The following GRIA1 variants were observed in gnomAD, a reference collection of about 807,000 sequenced individuals.
GRIA1 encodes the protein glutamate ionotropic receptor AMPA type subunit 1, also known as glutamate receptor 1.
In GRIA1, 31 loss-of-function variants were observed where a neutral mutation model predicts 99.2. The ratio of observed to expected loss-of-function variants is 0.31; its 90% confidence interval spans 0.23 to 0.42. The LOEUF is 0.42. Ranked by LOEUF, GRIA1 falls within the 10% of genes least tolerant of loss-of-function variation. The pLI, the probability that GRIA1 is intolerant of heterozygous loss-of-function variation, is 1.00. For missense variants in GRIA1, 782 were observed against 1,157.5 expected (o/e 0.68, Z 4.71); for synonymous variants, 438 against 432.4 (o/e 1.01, Z -0.16).
chr5:153,507,491 A>C (rs1581146661), intron 2 of GRIA1, among the ~76,000 whole-genome samples: 2 of 152,216 alleles, frequency 1.3e-5, no homozygotes, highest in Middle Eastern at 6.8e-3. Context: ...TTCCTGCCAA[A>C]CTCATTGCTC....
intron 5 of GRIA1, among the ~76,000 whole-genome samples, chr5:153,660,404 G>A (rs1755279245): frequency 6.6e-6 from 1 of 152,132 alleles, no homozygotes; most frequent in South Asian, 2.1e-4. Flanking sequence ...CTTCAGAAAG[G>A]TTGACTTTTC....
chr5:153,549,194 G>A (rs1300516738), intron 2 of GRIA1, among the ~76,000 whole-genome samples: 1 of 152,122 alleles, frequency 6.6e-6, no homozygotes, highest in Non-Finnish European at 1.5e-5. Flanking sequence ...AATTGAGATG[G>A]TACACATTAA....
chr5:153,778,175 C>CAGAG (rs1313488385), intron 13 of GRIA1, among the ~76,000 whole-genome samples: 23 of 146,312 alleles, frequency 1.6e-4, no homozygotes, highest in Non-Finnish European at 2.0e-4. Flanking sequence ...GGCAGAGAGA[C>CAGAG]AGAGAGAGAG....
rs371219596 is a variant in GRIA1, at chr5:153,698,900, A to C, written c.1279A>C (p.Asn427His). The C allele has an allele frequency of 2.7e-5, 44 of 1,613,574 alleles. No individual in the cohort carries two copies. The highest frequency in any genetic ancestry group is 2.7e-4 in the Admixed American group (16 of 60,002). The change falls in exon 10 of 16, where the codon AAT becomes CAT. Residue 427 changes from asparagine to histidine, a missense_variant. Asn to His is a moderately conservative substitution (Grantham distance 68). This residue lies in a region of GRIA1 where 87 missense variants were observed against 184.5 expected (regional missense o/e 0.47). Transcript: ENST00000285900. The stretch of plus-strand genomic sequence containing the variant: ...TTATGTGATGCTCAAGAAGAACGCC[A>C]ATCAGTTTGAGGGCAATGACCGTTA... ...DPYVMLKKNA[N>H]QFEGNDRYEG...
At position 153,802,252 on chromosome 5, in the gene GRIA1, G is replaced by C. The variant is rs181468391; in HGVS notation, c.2386-104G>C. ...ATTGCAAATGTTAAAGAGGGTGTGG[G>C]GTTGTGTGTATGTGTGAAAATATGC... On this transcript the variant is annotated intron_variant, in intron 14 of 15. Coordinates refer to ENST00000285900, the MANE Select transcript of GRIA1 (RefSeq NM_000827.4). 177 of 886,952 alleles carry C rather than the reference G, an allele frequency of 2.0e-4. 1 individual carries two copies. The highest frequency in any genetic ancestry group is 3.0e-4 in the Non-Finnish European group (164 of 543,034). The allele number at this position is 886,952 out of a possible 1,614,324, so 54.9% of individuals were successfully genotyped here. A position where few individuals can be genotyped will look rare whatever the true frequency, so the allele number is the denominator to read the frequency against.
chr5:153,743,517 G>A (rs979668587), intron 11 of GRIA1, among the ~76,000 whole-genome samples: 10 of 152,166 alleles, frequency 6.6e-5, no homozygotes, highest in Middle Eastern at 3.4e-3. Context: ...TTTCTTGCTG[G>A]CTGCCACTGG....
intron 15 of GRIA1, among the ~76,000 whole-genome samples, 155 bp from the exon 16 acceptor site, chr5:153,810,870 T>C (rs904606457): frequency 6.6e-6 from 1 of 152,212 alleles, no homozygotes; most frequent in African/African-American, 2.4e-5. Context: ...GATAGTTTTC[T>C]GTGTTCCTGA....
intron 11 of GRIA1, among the ~76,000 whole-genome samples, chr5:153,728,303 C>T (rs1760726982): frequency 6.6e-6 from 1 of 150,402 alleles, no homozygotes; most frequent in Admixed American, 6.6e-5. Context: ...TAGGCATTAC[C>T]ATTCAGGACA....
chr5:153,490,132 G>C (rs1753782149), upstream of GRIA1: 1 of 269,544 alleles, frequency 3.7e-6, no homozygotes. Flanking sequence ...TTTCCCTCAG[G>C]AATTAGTTGT....
rs546884823 is a variant in GRIA1 at position 153,596,985 on chromosome 5, C to T, written c.221-49943C>T. On this transcript the variant is annotated intron_variant, in intron 2 of 15. Transcript: ENST00000285900. Reference sequence around the variant, plus strand: ...TCTCTGGGAATGGTCTGAGCTCACCCGGTCCCGTGGCCTCCCCAGGCATTC... The same window carrying T: ...TCTCTGGGAATGGTCTGAGCTCACCTGGTCCCGTGGCCTCCCCAGGCATTC... Among the ~76,000 whole-genome samples, 23 of 152,304 alleles carry T rather than the reference C, an allele frequency of 1.5e-4. 1 individual carries two copies. In the South Asian group the frequency reaches 4.8e-3, roughly 32 times the overall value.
At chr5:153,601,573 C>T (rs778254823) in intron 2 of GRIA1, among the ~76,000 whole-genome samples, 2 of 152,260 alleles carry the variant, frequency 1.3e-5, no homozygotes, top group East Asian at 1.9e-4. Flanking sequence ...TAAATCAGAG[C>T]GGAAAACACC....
intron 2 of GRIA1, among the ~76,000 whole-genome samples, chr5:153,530,609 T>C (rs1758005672): frequency 6.6e-6 from 1 of 152,220 alleles, no homozygotes; most frequent in Admixed American, 6.5e-5. Context: ...GCTGTTACAA[T>C]CTATTTGACT....
rs555175560 is a variant in GRIA1 at position 153,500,836 on chromosome 5, A to G, written c.220+6771A>G. ...TAATGGCAGGTTTGATGCAGTAAAT[A>G]GCATACTGAGTTGAGATTTGAAGAC... On this transcript the variant is annotated intron_variant, in intron 2 of 15. Transcript: ENST00000285900. Among the ~76,000 whole-genome samples, 39 of 152,256 alleles carry G rather than the reference A, an allele frequency of 2.6e-4. No individual in the cohort carries two copies. The East Asian group carries it at 7.5e-3, about 29-fold the overall frequency.
intron 2 of GRIA1, among the ~76,000 whole-genome samples, chr5:153,520,428 G>A (rs1757034384): frequency 6.6e-6 from 1 of 152,154 alleles, no homozygotes; most frequent in South Asian, 2.1e-4. Flanking sequence ...ATTCTCTGCA[G>A]TTCTTTGAGG....
chr5:153,705,662 A>ACTTT, intron 10 of GRIA1, 35 bp from the exon 11 acceptor site: 2 of 750,700 alleles, frequency 2.7e-6, no homozygotes, highest in Non-Finnish European at 3.5e-6. Flanking sequence ...GCTCACCTGC[A>ACTTT]TTTTTTTTTT....
intron 5 of GRIA1, among the ~76,000 whole-genome samples, chr5:153,666,088 C>T (rs1456896976): frequency 6.6e-6 from 1 of 152,078 alleles, no homozygotes; most frequent in East Asian, 1.9e-4. Context: ...ATAGACTACA[C>T]AAAAAAGTCA....
At chr5:153,689,244 T>C (rs1348241541) in intron 8 of GRIA1, among the ~76,000 whole-genome samples, 4 of 152,092 alleles carry the variant, frequency 2.6e-5, no homozygotes, top group Non-Finnish European at 4.4e-5. Context: ...GCCTTGACAA[T>C]GAAAACATAG....
intron 11 of GRIA1, among the ~76,000 whole-genome samples, chr5:153,715,513 C>A (rs1208190970): frequency 6.6e-6 from 1 of 152,086 alleles, no homozygotes; most frequent in Non-Finnish European, 1.5e-5. Context: ...AATAACTTTC[C>A]TACATCCAGT....
chr5:153,652,783 G>C (rs1561731979), intron 4 of GRIA1, among the ~76,000 whole-genome samples: 1 of 152,178 alleles, frequency 6.6e-6, no homozygotes, highest in Non-Finnish European at 1.5e-5. Context: ...TAGATAGAAT[G>C]ACTGACGGTC....
Sources: gnomAD v4.1 joint callset for allele counts (sites outside exome capture counted in the v4.1 genomes callset) on GRCh38, gnomAD v4.1.1 for gene constraint, gnomAD v4.1.1 regional missense constraint, MANE v1.5 for transcripts, NCBI Gene and HGNC (gene_info 2026-07-23, HGNC 2026-07-21) for gene names.